C9: variants seen among roughly 807,000 people sequenced by gnomAD.
C9 encodes the protein complement C9.
A neutral mutation model predicts 65.4 loss-of-function variants in C9; 63 were observed. The observed-to-expected ratio is 0.96, with a 90% CI of 0.79 to 1.19. The LOEUF (loss-of-function observed/expected upper bound fraction) is 1.19, where lower values mean the gene tolerates loss of function less well. C9 is among the 50% of genes most tolerant of loss of function. The pLI, the probability that C9 is intolerant of heterozygous loss-of-function variation, is 0.00. For synonymous variants in C9, 229 were observed against 227.9 expected, an observed-to-expected ratio of 1.00 and a Z score of -0.04; for missense variants, 744 against 670.1, an observed-to-expected ratio of 1.11 and a Z score of -1.22.
intron 5 of C9, among the ~76,000 whole-genome samples, chr5:39,317,680 C>T (rs1753593017): frequency 6.6e-6 from 1 of 152,112 alleles, no homozygotes; most frequent in South Asian, 2.1e-4. Context: ...TCTGAGTTCT[C>T]TATTGTGTTC....
At chr5:39,346,716 A>C (rs1454500559) in intron 1 of C9, among the ~76,000 whole-genome samples, 1 of 152,156 alleles carries the variant, frequency 6.6e-6, no homozygotes, top group Non-Finnish European at 1.5e-5. Context: ...AAGACACAAC[A>C]AAAAAAGAGA....
intron 1 of C9, among the ~76,000 whole-genome samples, chr5:39,352,862 A>G (rs906021348): frequency 6.6e-6 from 1 of 150,772 alleles, no homozygotes; most frequent in Non-Finnish European, 1.5e-5. Context: ...TTTTAACATA[A>G]TGCAATAGGC....
intron 9 of C9, among the ~76,000 whole-genome samples, chr5:39,298,137 A>C (rs1272007109): frequency 6.6e-6 from 1 of 151,724 alleles, no homozygotes; most frequent in Non-Finnish European, 1.5e-5. Flanking sequence ...AAATGAAAAC[A>C]CATCAAAACT....
In C9 at chr5:39,323,111, G is replaced by A. The variant is rs79373323; in HGVS notation, c.616-7082C>T. Among the ~76,000 whole-genome samples the A allele has an allele frequency of 1.0e-2, 1,519 of 152,060 alleles. 27 individuals are homozygous for A. The highest frequency in any genetic ancestry group is 0.035 in the African/African-American group (1,447 of 41,452). On this transcript the variant is annotated intron_variant, in intron 5 of 10. Transcript: ENST00000263408. ...TAGAAACATACAATCTATCAAGACT[G>A]AATTATGAAGAAATAGAAAATGCAG...
chr5:39,312,991 A>G (rs1753512386), intron 6 of C9, among the ~76,000 whole-genome samples: 1 of 152,116 alleles, frequency 6.6e-6, no homozygotes, highest in Non-Finnish European at 1.5e-5. Flanking sequence ...TATTCAAAGC[A>G]TATTTGGATT....
At chr5:39,345,429 C>T (rs1193461272) in intron 1 of C9, among the ~76,000 whole-genome samples, 1 of 152,072 alleles carries the variant, frequency 6.6e-6, no homozygotes, top group East Asian at 1.9e-4. Flanking sequence ...ACAAAGAAGG[C>T]CATTACATAA....
chr5:39,356,089 C>A (rs1300106614), intron 1 of C9, among the ~76,000 whole-genome samples: 1 of 152,048 alleles, frequency 6.6e-6, no homozygotes, highest in African/African-American at 2.4e-5. Context: ...TTAAGTAAAC[C>A]CTTATATTTG....
chr5:39,333,554 ATCTCCCTCTCCCTCTCCC>A (rs369529307), intron 4 of C9, among the ~76,000 whole-genome samples: 1 of 116,218 alleles, frequency 8.6e-6, no homozygotes, highest in Non-Finnish European at 1.9e-5. Context: ...AAACACTTAT[ATCTCCCTCTCCCTCTCCC>A]TCTCCCTCTC....
chr5:39,298,768 A>T (rs1053016018), intron 9 of C9, among the ~76,000 whole-genome samples: 1 of 151,888 alleles, frequency 6.6e-6, no homozygotes, highest in Admixed American at 6.6e-5. Flanking sequence ...TGATACCAAA[A>T]CCAAATAAAA....
At chr5:39,300,540 A>G (rs533579256) in intron 9 of C9, among the ~76,000 whole-genome samples, 1 of 152,172 alleles carries the variant, frequency 6.6e-6, no homozygotes, top group Non-Finnish European at 1.5e-5. Flanking sequence ...TGAGAAAAAA[A>G]GACTGGAGAA....
rs1752953242 is a variant in C9, at chr5:39,284,515, C to G, written c.*684G>C. 6.6e-6 allele frequency: 1 copy of G among 152,166 alleles called. No homozygotes were observed. Among genetic ancestry groups the G allele is most frequent in the South Asian group, 2.1e-4 (1 of 4,834 alleles). 9.4% of individuals were successfully genotyped at this position (152,166 alleles called of 1,614,324 possible). ...TTTAAACTAATAGTTTATGTTCATT[C>G]TATTCTGCTACTGAACACTATCTAT... is the stretch of plus-strand genomic sequence containing the variant. On this transcript the variant is annotated 3_prime_UTR_variant, in exon 11 of 11. Coordinates refer to ENST00000263408, the MANE Select transcript of C9 (RefSeq NM_001737.5).
intron 7 of C9, among the ~76,000 whole-genome samples, chr5:39,309,761 C>T (rs1047864299): frequency 6.6e-6 from 1 of 152,098 alleles, no homozygotes; most frequent in Non-Finnish European, 1.5e-5. Flanking sequence ...TTCAAAGTCA[C>T]TAGAATTGAC....
At chr5:39,336,096 C>T (rs913558879) in intron 4 of C9, among the ~76,000 whole-genome samples, 1 of 151,880 alleles carries the variant, frequency 6.6e-6, no homozygotes, top group Non-Finnish European at 1.5e-5. Context: ...ATTATTTTAC[C>T]ACTTTAAAGA....
intron 1 of C9, among the ~76,000 whole-genome samples, chr5:39,346,801 C>G (rs1754206630): frequency 6.6e-6 from 1 of 152,170 alleles, no homozygotes; most frequent in Non-Finnish European, 1.5e-5. Context: ...AATCCAGCAA[C>G]ACATCAAAAA....
At chr5:39,313,145 G>A (rs1753515183) in intron 6 of C9, among the ~76,000 whole-genome samples, 1 of 152,096 alleles carries the variant, frequency 6.6e-6, no homozygotes, top group African/African-American at 2.4e-5. Context: ...CTATCTTAAA[G>A]CAACAAAAAG....
Position 39,288,772 on chromosome 5 carries a change from G to C in C9, c.1596C>G (p.Phe532Leu). 1 of 1,612,328 alleles carries C rather than the reference G, an allele frequency of 6.2e-7. No homozygotes were observed. The highest frequency in any genetic ancestry group is 8.5e-7 in the Non-Finnish European group (1 of 1,178,814). Residue 532 changes from phenylalanine (F) to leucine (L), a missense_variant, in exon 10 of 11, where the codon TTC becomes TTG. Physicochemically the swap from Phe to Leu is conservative, Grantham distance 22. Transcript: ENST00000263408. ...TTTCACAGGCAATTCCCTCAAATTT[G>C]AATGGGCAGGCACACAAACACTTTC... ...MDGKCLCACP[F>L]KFEGIACEIS...
At chr5:39,327,623 T>C (rs1753771288) in intron 5 of C9, among the ~76,000 whole-genome samples, 1 of 152,142 alleles carries the variant, frequency 6.6e-6, no homozygotes, top group South Asian at 2.1e-4. Context: ...TTATCAGCTG[T>C]AGGTATGTTG....
chr5:39,348,267 C>G (rs1754247717), intron 1 of C9, among the ~76,000 whole-genome samples: 1 of 152,094 alleles, frequency 6.6e-6, no homozygotes, highest in Admixed American at 6.5e-5. Context: ...TTGCAATCTA[C>G]TCATCTGACA....
In C9 at chr5:39,288,898, C is replaced by T. The variant is rs751833934; in HGVS notation, c.1470G>A (p.Lys490=). The part of the protein sequence containing the change: ...VPVKMKNAHL[K]KQNLERAIED... ...CAATGGCTCTTTCCAAGTTTTGTTT[C>T]TTTAGGTGTGCATTTTTCATTTTCA... Residue 490 remains lysine, a synonymous_variant, in exon 10 of 11, where the codon AAG becomes AAA. Coordinates refer to ENST00000263408, the MANE Select transcript of C9 (RefSeq NM_001737.5). The T allele has an allele frequency of 1.2e-6, 2 of 1,611,678 alleles. No homozygotes were observed. Among genetic ancestry groups the T allele is most frequent in the Non-Finnish European group, 1.7e-6 (2 of 1,178,360 alleles).
Sources: gnomAD v4.1 joint callset for allele counts (sites outside exome capture counted in the v4.1 genomes callset) on GRCh38, gnomAD v4.1.1 for gene constraint, MANE v1.5 for transcripts, NCBI Gene and HGNC (gene_info 2026-07-23, HGNC 2026-07-21) for gene names.